The following PRKG1 variants were observed in gnomAD, a reference collection of about 807,000 sequenced individuals.
PRKG1 encodes the protein protein kinase cGMP-dependent 1.
PRKG1 carries 35 observed loss-of-function variants against 88.1 expected under a neutral mutation model. The ratio of observed to expected loss-of-function variants is 0.40; its 90% CI spans 0.30 to 0.53. The LOEUF (loss-of-function observed/expected upper bound fraction) is 0.53. Ranked by LOEUF, PRKG1 falls within the 20% of genes least tolerant of loss-of-function variation. The pLI, the probability that PRKG1 is intolerant of heterozygous loss-of-function variation, is 0.59. For synonymous variants in PRKG1, 303 were observed against 292.5 expected, an observed-to-expected ratio of 1.04 and a Z score of -0.37; for missense variants, 540 against 839.8, an observed-to-expected ratio of 0.64 and a Z score of 4.41.
intron 1 of PRKG1, among the ~76,000 whole-genome samples, chr10:51,090,840 TTC>T (rs1313405166): frequency 2.6e-5 from 4 of 152,208 alleles, no homozygotes; most frequent in Non-Finnish European, 5.9e-5. Context: ...GAAAAGTGGC[TTC>T]TCTGTTTGTT....
intron 2 of PRKG1, among the ~76,000 whole-genome samples, chr10:51,225,731 G>A (rs1838674786): frequency 6.6e-6 from 1 of 151,908 alleles, no homozygotes; most frequent in Admixed American, 6.6e-5. Flanking sequence ...GCTATAAACT[G>A]AGACTTTAAA....
chr10:51,819,703 G>C (rs761634256), intron 4 of PRKG1, among the ~76,000 whole-genome samples: 3 of 152,150 alleles, frequency 2.0e-5, no homozygotes, highest in Admixed American at 6.5e-5. Flanking sequence ...TAGAATGTTG[G>C]TGAAAGAGCC....
At chr10:51,081,163 A>G (rs867199759) in intron 1 of PRKG1, among the ~76,000 whole-genome samples, 2 of 152,126 alleles carry the variant, frequency 1.3e-5, no homozygotes, top group African/African-American at 4.8e-5. Flanking sequence ...TGTCTTTTTC[A>G]GCTTCTAGAG....
chr10:51,299,176 C>G (rs554134453), intron 2 of PRKG1, among the ~76,000 whole-genome samples: 11 of 152,008 alleles, frequency 7.2e-5, no homozygotes, highest in Non-Finnish European at 1.5e-4. Flanking sequence ...TAGCCAGTAT[C>G]TCTTTTTGCC....
intron 2 of PRKG1, among the ~76,000 whole-genome samples, chr10:51,466,580 ATATT>A (rs1180560608): frequency 6.6e-6 from 1 of 151,984 alleles, no homozygotes; most frequent in Non-Finnish European, 1.5e-5. Flanking sequence ...TAAAATATAT[ATATT>A]TAAGATTTTA....
At chr10:51,611,700 C>G (rs979654597) in intron 3 of PRKG1, among the ~76,000 whole-genome samples, 3 of 147,458 alleles carry the variant, frequency 2.0e-5, no homozygotes, top group African/African-American at 7.5e-5. Context: ...TTCATAAAAT[C>G]TTTGCTTGCC....
intron 2 of PRKG1, among the ~76,000 whole-genome samples, chr10:51,307,667 T>G (rs1204085203): frequency 6.6e-6 from 1 of 152,186 alleles, no homozygotes; most frequent in Non-Finnish European, 1.5e-5. Flanking sequence ...AGACCAAATA[T>G]TCTATGTACT....
intron 17 of PRKG1, among the ~76,000 whole-genome samples, chr10:52,293,092 T>G (rs1176278206): frequency 4.7e-5 from 7 of 149,634 alleles, no homozygotes; most frequent in Non-Finnish European, 1.0e-4. Flanking sequence ...TGTACAAAAA[T>G]CACAAGCATT....
chr10:51,854,104 A>C (rs1840622323), intron 4 of PRKG1, among the ~76,000 whole-genome samples: 1 of 152,196 alleles, frequency 6.6e-6, no homozygotes, highest in South Asian at 2.1e-4. Context: ...TGGGGAGCAA[A>C]ATTGATGAGT....
At position 51,714,987 on chromosome 10, in the gene PRKG1, C is replaced by T. The variant is rs76677008; in HGVS notation, c.593-89598C>T. On this transcript the variant is annotated intron_variant, in intron 3 of 17. Coordinates refer to ENST00000373980, the MANE Select transcript of PRKG1 (RefSeq NM_006258.4). ...AGAGCAAGGGACAGGACAGTGTTAC[C>T]GTATGCCACTATTCTTTTTTTATTT... 7.3e-3 allele frequency among the ~76,000 whole-genome samples: 1,117 copies of T among 152,098 alleles called. 14 individuals are homozygous for T. Among genetic ancestry groups the T allele is most frequent in the Middle Eastern group, 0.021 (6 of 292 alleles).
At chr10:52,108,168 T>A (rs954186272) in intron 7 of PRKG1, among the ~76,000 whole-genome samples, 1 of 152,188 alleles carries the variant, frequency 6.6e-6, no homozygotes, top group African/African-American at 2.4e-5. Context: ...AAATATTGAC[T>A]CCAGTTTTTC....
At chr10:51,651,609 G>A (rs914047581) in intron 3 of PRKG1, among the ~76,000 whole-genome samples, 2 of 148,386 alleles carry the variant, frequency 1.3e-5, no homozygotes, top group Admixed American at 6.8e-5. Flanking sequence ...AATTTAGTCA[G>A]AGTTTTGCTC....
At chr10:51,161,307 T>C (rs1846355453) in intron 2 of PRKG1, among the ~76,000 whole-genome samples, 1 of 152,154 alleles carries the variant, frequency 6.6e-6, no homozygotes, top group African/African-American at 2.4e-5. Context: ...GTTGTACAAG[T>C]TAAGAATTGA....
upstream of PRKG1, among the ~76,000 whole-genome samples, chr10:51,073,095 CAA>C (rs953305700): frequency 6.6e-6 from 1 of 152,134 alleles, no homozygotes; most frequent in Non-Finnish European, 1.5e-5. Context: ...ATGTCTTAAG[CAA>C]ATATTAGGGA....
rs79543394 is a variant in PRKG1 at position 52,251,880 on chromosome 10, C to A, written c.1173+214C>A. On this transcript the variant is annotated intron_variant, in intron 10 of 17. Coordinates refer to ENST00000373980, the MANE Select transcript of PRKG1 (RefSeq NM_006258.4). ...TCAACGACTAAAAATAAAATAACAC[C>A]TTGCTTTTTAGAAAACCTCTTCATA... 22,050 of 450,472 alleles carry A rather than the reference C, an allele frequency of 0.049. 2,545 individuals are homozygous for A. The highest frequency in any genetic ancestry group is 0.38 in the East Asian group (10,503 of 27,946). 27.9% of individuals were successfully genotyped at this position (450,472 alleles called of 1,614,324 possible). A position where few individuals can be genotyped will look rare whatever the true frequency, so the allele number is the denominator to read the frequency against.
At chr10:51,833,502 G>A (rs888014052) in intron 4 of PRKG1, among the ~76,000 whole-genome samples, 3 of 152,042 alleles carry the variant, frequency 2.0e-5, no homozygotes, top group Non-Finnish European at 4.4e-5. Context: ...TCATTTCCAA[G>A]GTGACACATT....
intron 3 of PRKG1, among the ~76,000 whole-genome samples, chr10:51,713,813 ATTGGGTCAG>A (rs1841818139): frequency 6.6e-6 from 1 of 152,300 alleles, no homozygotes; most frequent in Admixed American, 6.5e-5. Context: ...GTGTATTAGT[ATTGGGTCAG>A]ACAGGGCAGC....
At chr10:51,460,511 A>G (rs143449541) in intron 2 of PRKG1, among the ~76,000 whole-genome samples, 16 of 152,268 alleles carry the variant, frequency 1.1e-4, no homozygotes, top group African/African-American at 3.1e-4. Flanking sequence ...TTAGGGGATG[A>G]TTAGTCTATT....
At chr10:52,184,212 A>G (rs577753842) in intron 9 of PRKG1, among the ~76,000 whole-genome samples, 1 of 152,378 alleles carries the variant, frequency 6.6e-6, no homozygotes, top group African/African-American at 2.4e-5. Flanking sequence ...TAAGAAATTA[A>G]TAAAATTAAC....
Sources: gnomAD v4.1 joint callset for allele counts (sites outside exome capture counted in the v4.1 genomes callset) on GRCh38, gnomAD v4.1.1 for gene constraint, MANE v1.5 for transcripts, NCBI Gene and HGNC (gene_info 2026-07-23, HGNC 2026-07-21) for gene names.